Variants in TBC1D16 observed in about 807,000 individuals in gnomAD.
TBC1D16 encodes CTD-2529O21.1.
TBC1D16 carries 58 observed loss-of-function variants against 74.7 expected under a neutral mutation model. The observed-to-expected ratio is 0.78, with a 90% CI of 0.63 to 0.97. The LOEUF (loss-of-function observed/expected upper bound fraction) is 0.97. Ranked by LOEUF, TBC1D16 falls within the 50% of genes least tolerant of loss-of-function variation. TBC1D16 has a pLI of 0.00. For missense variants in TBC1D16, 1,014 were observed against 1,079.5 expected, an observed-to-expected ratio of 0.94 and a Z score of 0.85; for synonymous variants, 493 against 474.7, an observed-to-expected ratio of 1.04 and a Z score of -0.50.
rs768292368 is a variant in TBC1D16 at position 80,010,246 on chromosome 17, G to T, written c.693C>A (p.Asp231Glu). 1 of 1,613,510 alleles carries T rather than the reference G, an allele frequency of 6.2e-7. No homozygotes were observed. The highest frequency in any genetic ancestry group is 1.7e-5 in the Admixed American group (1 of 59,988). Residue 231 changes from aspartate to glutamate, a missense_variant, in exon 3 of 12, where the codon GAC becomes GAA. By Grantham distance (45) the Asp-to-Glu change is conservative (BLOSUM62 2). Coordinates refer to ENST00000310924, the MANE Select transcript of TBC1D16 (RefSeq NM_019020.4). This position sits in a 1 kb window ranked among gnomAD's most constrained non-coding sequence, Gnocchi z 8.8. ...AGAGGCAGAAGGGCGAGGAGAAGGTGTCTGAGTCTGAGTCAAAGGAGCTGT... is the reference window on the plus strand; with the variant it reads ...AGAGGCAGAAGGGCGAGGAGAAGGTTTCTGAGTCTGAGTCAAAGGAGCTGT... Reference protein sequence around the residue: ...SRDSSFDSDSDTFSSPFCLSP... With the variant: ...SRDSSFDSDSETFSSPFCLSP...
rs984797150 is a variant in TBC1D16, at chr17:79,943,469, G to A, written c.1909-1263C>T. Among the ~76,000 whole-genome samples the A allele has an allele frequency of 1.9e-4, 29 of 152,168 alleles. 2 individuals are homozygous for A. ...TGACAGCGGACGGATAGCATCAAAA[G>A]CCTTTCTCGCTCAGGGGTCACTGAA... On this transcript the variant is annotated intron_variant, in intron 10 of 11. Coordinates refer to ENST00000310924, the MANE Select transcript of TBC1D16 (RefSeq NM_019020.4).
In TBC1D16 at chr17:79,950,341, C is replaced by T; in HGVS notation, c.1257+70G>A. 6.7e-7 allele frequency: 1 copy of T among 1,495,458 alleles called. No individual in the cohort carries two copies. The highest frequency in any genetic ancestry group is 8.9e-7 in the Non-Finnish European group (1 of 1,128,542). The allele number at this position is 1,495,458 out of a possible 1,614,324, so 92.6% of individuals were successfully genotyped here. A position where few individuals can be genotyped will look rare whatever the true frequency, so the allele number is the denominator to read the frequency against. ...GGCGGGCGGCCAGGCCCCGGCCCTC[C>T]TTCCCTCTCGCTCGTTCCCGGTTCC... On this transcript the variant is annotated intron_variant, in intron 6 of 11. Transcript: ENST00000310924. The surrounding 1 kb of genome is among the most constrained non-coding windows in gnomAD (Gnocchi z 4.6).
chr17:80,021,910 C>CATACACACA (rs1188789252), intron 1 of TBC1D16, among the ~76,000 whole-genome samples: 21 of 68,060 alleles, frequency 3.1e-4, no homozygotes, highest in African/African-American at 8.7e-4. Context: ...TGACACACAC[C>CATACACACA]ATGACACACA....
chr17:80,025,456 TGGA>T (rs2036544495), intron 1 of TBC1D16, among the ~76,000 whole-genome samples: 1 of 149,990 alleles, frequency 6.7e-6, no homozygotes. Context: ...CTCTGTGAGC[TGGA>T]GGAGGGGGCG....
chr17:79,972,299 C>A (rs2034144027), intron 3 of TBC1D16, among the ~76,000 whole-genome samples: 1 of 152,172 alleles, frequency 6.6e-6, no homozygotes, highest in Non-Finnish European at 1.5e-5. Flanking sequence ...GCTTCAGCCT[C>A]CTGAGTAGCT....
intron 3 of TBC1D16, among the ~76,000 whole-genome samples, chr17:79,963,084 G>A (rs1334385020): frequency 6.6e-6 from 1 of 151,606 alleles, no homozygotes; most frequent in Non-Finnish European, 1.5e-5. Flanking sequence ...GTGTGGTGGT[G>A]GGCGCCTATA....
At chr17:80,003,069 G>C (rs193021969) in intron 3 of TBC1D16, among the ~76,000 whole-genome samples, 1 of 152,320 alleles carries the variant, frequency 6.6e-6, no homozygotes, top group African/African-American at 2.4e-5. Context: ...GGTGGGAAGC[G>C]GCTATGCTTG....
At chr17:79,978,630 G>A (rs1372979110) in intron 3 of TBC1D16, among the ~76,000 whole-genome samples, 3 of 152,212 alleles carry the variant, frequency 2.0e-5, no homozygotes, top group Admixed American at 1.3e-4. Flanking sequence ...CAGCTGTTAC[G>A]AGTTTCTGAG....
rs2035777496 is a variant in TBC1D16, at chr17:80,008,967, C to T, written c.779+1193G>A. On this transcript the variant is annotated intron_variant, in intron 3 of 11. Coordinates refer to ENST00000310924, the MANE Select transcript of TBC1D16 (RefSeq NM_019020.4). This position sits in a 1 kb window ranked among gnomAD's most constrained non-coding sequence, Gnocchi z 4.5. Reference sequence around the variant, plus strand: ...GCCCTGGGGCAGACCCAGCTGGGTTCACATCCCAGCTTGGCCCGGGCACTG... The same window carrying T: ...GCCCTGGGGCAGACCCAGCTGGGTTTACATCCCAGCTTGGCCCGGGCACTG... Among the ~76,000 whole-genome samples the T allele has an allele frequency of 6.6e-6, 1 of 152,206 alleles. No individual in the cohort carries two copies.
At position 79,950,563 on chromosome 17, in the gene TBC1D16, T is replaced by A; in HGVS notation, c.1105A>T (p.Lys369Ter). The change falls in exon 6 of 12, where the codon AAG becomes TAG. Residue 369 changes from lysine to a stop codon, truncating the protein, a stop_gained. Transcript: ENST00000310924. LOFTEE classifies it high-confidence loss of function. The surrounding 1 kb of genome is among the most constrained non-coding windows in gnomAD (Gnocchi z 4.6). ...CGGATGGAGAACTGCATGCATGTCT[T>A]ATCGGGGGCGACCTGCTGGACGGGA... ...QLKDQQVAPD[K>*]TCMQFSIRRP... is the part of the protein sequence containing the mutation. 6.2e-7 allele frequency: 1 copy of A among 1,612,562 alleles called. No individual in the cohort carries two copies. The highest frequency in any genetic ancestry group is 8.5e-7 in the Non-Finnish European group (1 of 1,179,666).
At position 79,950,915 on chromosome 17, in the gene TBC1D16, T is replaced by C; in HGVS notation, c.1090-337A>G. 7.2e-7 allele frequency: 1 copy of C among 1,390,754 alleles called. No homozygotes were observed. Among genetic ancestry groups the C allele is most frequent in the Non-Finnish European group, 9.6e-7 (1 of 1,040,088 alleles). The allele number at this position is 1,390,754 out of a possible 1,614,324, so 86.2% of individuals were successfully genotyped here. ...GGGCCTGCAATGAATTACATGTGAT[T>C]GGCCACATACAAAGGGATCGCTGTT... On this transcript the variant is annotated intron_variant, in intron 5 of 11. Transcript: ENST00000310924. This position sits in a 1 kb window ranked among gnomAD's most constrained non-coding sequence, Gnocchi z 4.6.
rs2035814296 is a variant in TBC1D16, at chr17:80,009,992, C to G, written c.779+168G>C. On this transcript the variant is annotated intron_variant, in intron 3 of 11. Transcript: ENST00000310924. The surrounding 1 kb of genome is among the most constrained non-coding windows in gnomAD (Gnocchi z 5.4). Reference sequence around the variant, plus strand: ...AAAGTGGGGACTCCCTGCTGAAGCCCTTGCCTCAGGGAGGGGCTCCTGCCA... The same window carrying G: ...AAAGTGGGGACTCCCTGCTGAAGCCGTTGCCTCAGGGAGGGGCTCCTGCCA... Among the ~76,000 whole-genome samples, 1 of 152,196 alleles carries G rather than the reference C, an allele frequency of 6.6e-6. No individual in the cohort carries two copies. Among genetic ancestry groups the G allele is most frequent in the Non-Finnish European group, 1.5e-5 (1 of 68,030 alleles).
At chr17:80,021,809 ACACACATCCACCACAGATG>A (rs1434479380) in intron 1 of TBC1D16, among the ~76,000 whole-genome samples, 1 of 150,284 alleles carries the variant, frequency 6.7e-6, no homozygotes, top group Non-Finnish European at 1.5e-5. Context: ...CACCATAGAC[ACACACATCCACCACAGATG>A]CACACATACC....
intron 3 of TBC1D16, among the ~76,000 whole-genome samples, chr17:79,959,482 A>C (rs1431330659): frequency 6.6e-6 from 1 of 152,238 alleles, no homozygotes; most frequent in Non-Finnish European, 1.5e-5. Context: ...TGAGACCTAC[A>C]TAGCTATCAT....
In TBC1D16 at chr17:80,009,042, C is replaced by A. The variant is rs2035781271; in HGVS notation, c.779+1118G>T. On this transcript the variant is annotated intron_variant, in intron 3 of 11. Transcript: ENST00000310924. The surrounding 1 kb of genome is among the most constrained non-coding windows in gnomAD (Gnocchi z 5.4). Reference sequence around the variant, plus strand: ...TGACCTTCTCCGAGCCGCCCTTTCCCCTTCGATAGCAGGGGATAATAGGAG... The same window carrying A: ...TGACCTTCTCCGAGCCGCCCTTTCCACTTCGATAGCAGGGGATAATAGGAG... Among the ~76,000 whole-genome samples the A allele has an allele frequency of 6.6e-6, 1 of 152,202 alleles. No homozygotes were observed.
rs1262705214 is a variant in TBC1D16, at chr17:80,035,226, C to T, written c.-63+569G>A. ...TTTTCTTTCCTTCCTTTCGTTCTTTCTTTCTTTTTCTTTTTTTTTTTTTCC... is the reference window on the plus strand; with the variant it reads ...TTTTCTTTCCTTCCTTTCGTTCTTTTTTTCTTTTTCTTTTTTTTTTTTTCC... On this transcript the variant is annotated intron_variant, in intron 1 of 11. Transcript: ENST00000310924. The surrounding 1 kb of genome is among the most constrained non-coding windows in gnomAD (Gnocchi z 5.3). 1.7e-5 allele frequency among the ~76,000 whole-genome samples: 2 copies of T among 116,510 alleles called. No individual in the cohort carries two copies. The highest frequency in any genetic ancestry group is 3.1e-5 in the African/African-American group (1 of 31,976). The allele number at this position is 116,510 out of a possible 152,430, so 76.4% of individuals were successfully genotyped here.
chr17:80,005,569 C>T (rs1325915567), intron 3 of TBC1D16, among the ~76,000 whole-genome samples: 1 of 152,220 alleles, frequency 6.6e-6, no homozygotes, highest in African/African-American at 2.4e-5. Context: ...CGGGGAAGCT[C>T]AGGGTCTTGG....
intron 3 of TBC1D16, among the ~76,000 whole-genome samples, chr17:79,963,814 C>T (rs1170208790): frequency 6.6e-6 from 1 of 152,158 alleles, no homozygotes; most frequent in East Asian, 1.9e-4. Context: ...TTTGATTTTG[C>T]ATTTCCCCGA....
In TBC1D16 at chr17:79,987,493, T is replaced by C. The variant is rs2034888126; in HGVS notation, c.779+22667A>G. On this transcript the variant is annotated intron_variant, in intron 3 of 11. Coordinates refer to ENST00000310924, the MANE Select transcript of TBC1D16 (RefSeq NM_019020.4). The surrounding 1 kb of genome is among the most constrained non-coding windows in gnomAD (Gnocchi z 5.2). The stretch of plus-strand genomic sequence containing the variant: ...AACTCCTGGGCTCAAGCGCTCCTCC[T>C]GCCTCGGCCTCCCAAAGTGCTAGGA... Among the ~76,000 whole-genome samples the C allele has an allele frequency of 6.6e-6, 1 of 152,100 alleles. No homozygotes were observed. Among genetic ancestry groups the C allele is most frequent in the Admixed American group, 6.5e-5 (1 of 15,272 alleles).
Sources: allele counts gnomAD v4.1 joint callset (sites outside exome capture counted in the v4.1 genomes callset), GRCh38; gene constraint gnomAD v4.1.1; non-coding constraint Gnocchi (gnomAD v3.1); transcripts MANE v1.5; gene names NCBI Gene and HGNC (gene_info 2026-07-23, HGNC 2026-07-21).